The following TEK variants were observed in gnomAD, a reference collection of about 807,000 sequenced individuals.
The protein encoded by TEK is angiopoietin-1 receptor.
In TEK, 43 loss-of-function variants were observed where a neutral mutation model predicts 131.8. The observed-to-expected ratio is 0.33, with a 90% CI of 0.26 to 0.42. The LOEUF (loss-of-function observed/expected upper bound fraction) is 0.42. TEK is among the 10% of genes least tolerant of loss of function. The pLI is 1.00. For synonymous variants in TEK, 580 were observed against 491.6 expected, an observed-to-expected ratio of 1.18 and a Z score of -2.38; for missense variants, 1,162 against 1,384.4, an observed-to-expected ratio of 0.84 and a Z score of 2.55.
chr9:27,171,423 A>G (rs1186769679), intron 4 of TEK, among the ~76,000 whole-genome samples: 1 of 152,226 alleles, frequency 6.6e-6, no homozygotes, highest in African/African-American at 2.4e-5. Flanking sequence ...AGAATACAGG[A>G]TCATAAGATA....
At chr9:27,110,138 C>T (rs1252850663) in intron 1 of TEK, among the ~76,000 whole-genome samples, 1 of 149,544 alleles carries the variant, frequency 6.7e-6, no homozygotes, top group Non-Finnish European at 1.5e-5. Context: ...TTTATATCTA[C>T]ATCCTATTTT....
intron 1 of TEK, among the ~76,000 whole-genome samples, chr9:27,157,329 C>G (rs1823370261): frequency 6.6e-6 from 1 of 152,154 alleles, no homozygotes; most frequent in South Asian, 2.1e-4. Context: ...TAGTCACTGT[C>G]TGTCACTTAT....
In TEK at chr9:27,175,450, G is replaced by A. The variant is rs540951380; in HGVS notation, c.901+2088G>A. Among the ~76,000 whole-genome samples the A allele has an allele frequency of 8.6e-5, 13 of 151,980 alleles. No individual in the cohort carries two copies. The South Asian group carries it at 1.7e-3, about 19-fold the overall frequency. On this transcript the variant is annotated intron_variant, in intron 6 of 22. Coordinates refer to ENST00000380036, the MANE Select transcript of TEK (RefSeq NM_000459.5). ...GTGAATAGTGCCACAATAAACATACGTGTGCATGTGTCTTTATAGCATCAT... is the reference window on the plus strand; with the variant it reads ...GTGAATAGTGCCACAATAAACATACATGTGCATGTGTCTTTATAGCATCAT...
chr9:27,150,733 A>T (rs545630829), intron 1 of TEK, among the ~76,000 whole-genome samples: 1 of 152,226 alleles, frequency 6.6e-6, no homozygotes, highest in African/African-American at 2.4e-5. Flanking sequence ...TGGAGTTTGC[A>T]TATAAATGAA....
chr9:27,205,733 G>T (rs1264676078), intron 14 of TEK, among the ~76,000 whole-genome samples: 1 of 152,090 alleles, frequency 6.6e-6, no homozygotes, highest in Non-Finnish European at 1.5e-5. Context: ...ACTAAAGCCT[G>T]AAAATGTATC....
At chr9:27,165,585 C>T (rs1160831428) in intron 2 of TEK, among the ~76,000 whole-genome samples, 1 of 152,212 alleles carries the variant, frequency 6.6e-6, no homozygotes, top group African/African-American at 2.4e-5. Flanking sequence ...CCGACCTCTT[C>T]TAGGCACCTC....
intron 18 of TEK, among the ~76,000 whole-genome samples, chr9:27,217,192 TCCTCTCC>T (rs921060939): frequency 6.6e-6 from 1 of 152,152 alleles, no homozygotes; most frequent in African/African-American, 2.4e-5. Context: ...AGATGCTCTT[TCCTCTCC>T]CATCTACCTA....
chr9:27,201,165 C>T (rs1375619398), intron 12 of TEK, among the ~76,000 whole-genome samples: 1 of 152,210 alleles, frequency 6.6e-6, no homozygotes, highest in African/African-American at 2.4e-5. Context: ...ATGTAGATTG[C>T]TGGGTCCAGA....
chr9:27,223,092 T>C (rs12350780), intron 21 of TEK, among the ~76,000 whole-genome samples: 1,761 of 152,274 alleles, frequency 0.012, 34 homozygotes, highest in African/African-American at 0.039. Context: ...TAAATATATA[T>C]GCACCCAATG....
chr9:27,124,946 C>A (rs1821934124), intron 1 of TEK, among the ~76,000 whole-genome samples: 1 of 152,180 alleles, frequency 6.6e-6, no homozygotes, highest in African/African-American at 2.4e-5. Context: ...TCTCTTCCAG[C>A]AGAAGGGCTT....
At chr9:27,120,582 G>T (rs1821748805) in intron 1 of TEK, among the ~76,000 whole-genome samples, 1 of 152,234 alleles carries the variant, frequency 6.6e-6, no homozygotes, top group African/African-American at 2.4e-5. Context: ...GAAGCCTGGT[G>T]CTCCAGACTT....
intron 21 of TEK, among the ~76,000 whole-genome samples, chr9:27,221,683 GAAGGAAAAGTAACAAACAGA>G (rs1485523258): frequency 6.6e-6 from 1 of 152,148 alleles, no homozygotes; most frequent in Non-Finnish European, 1.5e-5. Flanking sequence ...CTGACTATTA[GAAGGAAAAGTAACAAACAGA>G]AAGGAATAGT....
At chr9:27,138,186 T>C (rs903066360) in intron 1 of TEK, among the ~76,000 whole-genome samples, 2 of 152,192 alleles carry the variant, frequency 1.3e-5, no homozygotes, top group Admixed American at 6.5e-5. Flanking sequence ...GCAAGATTTA[T>C]TGTGAAGAGC....
intron 1 of TEK, among the ~76,000 whole-genome samples, chr9:27,147,171 A>C (rs866634466): frequency 1.6e-4 from 24 of 152,210 alleles, no homozygotes; most frequent in African/African-American, 4.3e-4. Context: ...ACCCATTTTA[A>C]ATTACTTCCA....
At chr9:27,133,245 T>C (rs1019974439) in intron 1 of TEK, among the ~76,000 whole-genome samples, 2 of 152,208 alleles carry the variant, frequency 1.3e-5, no homozygotes, top group Non-Finnish European at 2.9e-5. Context: ...GAATGTCATA[T>C]ATACAATATT....
intron 4 of TEK, among the ~76,000 whole-genome samples, chr9:27,172,303 C>G (rs1823987805): frequency 6.6e-6 from 1 of 152,300 alleles, no homozygotes; most frequent in African/African-American, 2.4e-5. Context: ...AAGACACTCT[C>G]CAGCCTTATC....
At chr9:27,205,623 C>T (rs1017281770) in intron 14 of TEK, among the ~76,000 whole-genome samples, 20 of 152,074 alleles carry the variant, frequency 1.3e-4, no homozygotes, top group African/African-American at 4.6e-4. Context: ...GCACTTGGTA[C>T]TGCCTCATTT....
chr9:27,139,212 C>CATAAAAAAAA (rs1554689747), intron 1 of TEK, among the ~76,000 whole-genome samples: 1 of 57,402 alleles, frequency 1.7e-5, no homozygotes, highest in African/African-American at 7.0e-5. Flanking sequence ...GACTCTGTCT[C>CATAAAAAAAA]AAAAAAAAAA....
At position 27,217,888 on chromosome 9, in the gene TEK, A is replaced by G. The variant is rs373090764; in HGVS notation, c.3062+130A>G. 3.6e-6 allele frequency: 3 copies of G among 827,710 alleles called. No individual in the cohort carries two copies. The African/African-American group carries it at 5.1e-5, about 14-fold the overall frequency. 51.3% of individuals were successfully genotyped at this position (827,710 alleles called of 1,614,324 possible). A position where few individuals can be genotyped will look rare whatever the true frequency, so the allele number is the denominator to read the frequency against. On this transcript the variant is annotated intron_variant, in intron 19 of 22. Transcript: ENST00000380036. ...ACAAAGGTAACTAAAAAGCTCAGGA[A>G]ATAAATTAGCAGAATAAAGCCACAG...
Sources: allele counts gnomAD v4.1 joint callset (sites outside exome capture counted in the v4.1 genomes callset), GRCh38; gene constraint gnomAD v4.1.1; transcripts MANE v1.5; gene names NCBI Gene and HGNC (gene_info 2026-07-23, HGNC 2026-07-21).